The following ZNF761 variants were observed in gnomAD, a reference collection of about 807,000 sequenced individuals.
The protein encoded by ZNF761 is zinc finger protein 761.
In ZNF761, 43 loss-of-function variants were observed where a neutral mutation model predicts 59.9. The observed-to-expected ratio is 0.72, with a 90% CI of 0.56 to 0.92. The LOEUF (loss-of-function observed/expected upper bound fraction) is 0.92, where lower values mean the gene tolerates loss of function less well. Ranked by LOEUF, ZNF761 falls within the 40% of genes least tolerant of loss-of-function variation. ZNF761 has a pLI of 0.00. For synonymous variants in ZNF761, 294 were observed against 304.8 expected, an observed-to-expected ratio of 0.96 and a Z score of 0.37; for missense variants, 850 against 906.1, an observed-to-expected ratio of 0.94 and a Z score of 0.79.
intron 4 of ZNF761, among the ~76,000 whole-genome samples, chr19:53,450,696 C>T (rs1263515501): frequency 6.6e-6 from 1 of 152,018 alleles, no homozygotes; most frequent in Non-Finnish European, 1.5e-5. Context: ...CCAGCTCCGC[C>T]TCTCGGGTTC....
intron 1 of ZNF761, among the ~76,000 whole-genome samples, chr19:53,438,440 A>G (rs998851190): frequency 1.3e-5 from 2 of 152,198 alleles, no homozygotes; most frequent in African/African-American, 4.8e-5. Context: ...CAGAGCCCCT[A>G]TAGTCATTGT....
Position 53,456,054 on chromosome 19 carries a change from A to G in ZNF761, c.1547A>G (p.His516Arg). 1.2e-6 allele frequency: 2 copies of G among 1,603,464 alleles called. No homozygotes were observed. Among genetic ancestry groups the G allele is most frequent in the South Asian group, 1.1e-5 (1 of 90,658 alleles). ...KSYLTCHHRL[H>R]TGEKAYKCNE... The stretch of plus-strand genomic sequence containing the variant: ...TACCTCACATGCCATCATAGACTTC[A>G]TACTGGAGAGAAAGCTTACAAGTGT... The change falls in exon 5 of 5, where the codon CAT becomes CGT. Residue 516 changes from histidine to arginine, a missense_variant. Physicochemically the swap from His to Arg is conservative, Grantham distance 29. Transcript: ENST00000684525.
At position 53,432,487 on chromosome 19, in the gene ZNF761, G is replaced by T. The variant is rs117276335; in HGVS notation, c.-185+459G>T. ...CACCTCCCTCCTTGTGCCGGGCCCT[G>T]CTGCTCCACGGGTTTCGCCTCCACA... On this transcript the variant is annotated intron_variant, in intron 1 of 4. Coordinates refer to ENST00000684525, the MANE Select transcript of ZNF761 (RefSeq NM_001289951.2). Among the ~76,000 whole-genome samples, 1,722 of 152,160 alleles carry T rather than the reference G, an allele frequency of 0.011. 80 individuals are homozygous for T. In the East Asian group the frequency reaches 0.14, roughly 13 times the overall value.
intron 1 of ZNF761, chr19:53,445,371 C>T (rs2086145751): frequency 6.6e-6 from 1 of 152,116 alleles, no homozygotes; most frequent in Non-Finnish European, 1.5e-5. Flanking sequence ...CTGTAATTTT[C>T]AAGGATAGGG....
Position 53,435,289 on chromosome 19 carries a change from CTTTTTTTTTTTTTTTTTT to C in ZNF761, c.-185+3276_-185+3293del, listed in dbSNP as rs368157010. On this transcript the variant is annotated intron_variant, in intron 1 of 4. Transcript: ENST00000684525. ...GGTCGTCTGGCTATAAATACAAGTC[CTTTTTTTTTTTTTTTTTT>C]TTTTTTTTTTTTTTGAGATGGAGTT... 1.7e-4 allele frequency among the ~76,000 whole-genome samples: 9 copies of C among 53,616 alleles called. No homozygotes were observed. The South Asian group carries it at 2.0e-3, about 12-fold the overall frequency. The allele number at this position is 53,616 out of a possible 152,430, so 35.2% of individuals were successfully genotyped here. A position where few individuals can be genotyped will look rare whatever the true frequency, so the allele number is the denominator to read the frequency against.
chr19:53,441,771 T>C (rs2086103325), intron 1 of ZNF761: 3 of 904,400 alleles, frequency 3.3e-6, no homozygotes, highest in Non-Finnish European at 5.2e-6. Context: ...GTTTTCAAAA[T>C]TTCTTTTTTA....
chr19:53,447,141 C>T, intron 2 of ZNF761, 55 bp from the exon 3 acceptor site: 1 of 1,236,406 alleles, frequency 8.1e-7, no homozygotes, highest in East Asian at 2.4e-5. Context: ...TGGTTGTGTT[C>T]CACGGAGGTG....
intron 4 of ZNF761, among the ~76,000 whole-genome samples, chr19:53,450,883 T>C (rs2086215875): frequency 6.6e-6 from 1 of 151,840 alleles, no homozygotes. Flanking sequence ...GTAATCCTGC[T>C]ACTCAAGTGT....
At chr19:53,442,139 G>C in intron 1 of ZNF761, 2 of 1,083,634 alleles carry the variant, frequency 1.8e-6, no homozygotes, top group Non-Finnish European at 2.8e-6. Flanking sequence ...AGATACAAAG[G>C]TTATTGAAAT....
intron 4 of ZNF761, chr19:53,450,141 A>G (rs1297108197): frequency 1.3e-5 from 3 of 238,004 alleles, no homozygotes; most frequent in Non-Finnish European, 2.4e-5. Flanking sequence ...CGTCTCTACT[A>G]AAAATAGAAA....
intron 1 of ZNF761, among the ~76,000 whole-genome samples, chr19:53,441,453 GTTTT>G (rs71185882): frequency 6.9e-6 from 1 of 144,500 alleles, no homozygotes. Context: ...TTTGTTTTTT[GTTTT>G]TTTTTTTTTG....
intron 4 of ZNF761, chr19:53,450,058 A>G (rs1234419102): frequency 1.3e-5 from 5 of 376,888 alleles, no homozygotes; most frequent in African/African-American, 1.1e-4. Context: ...TAATCCCAGC[A>G]CTTTGGGAGG....
rs2086259767 is a variant in ZNF761, at chr19:53,455,523, C to A, written c.1016C>A (p.Ser339Ter). The A allele has an allele frequency of 6.2e-7, 1 of 1,612,912 alleles. No individual in the cohort carries two copies. Among genetic ancestry groups the A allele is most frequent in the East Asian group, 2.2e-5 (1 of 44,652 alleles). The change falls in exon 5 of 5, where the codon TCA becomes TAA. Residue 339 changes from serine to a stop codon, truncating the protein, a stop_gained. Transcript: ENST00000684525. LOFTEE classifies it high-confidence loss of function. ...NECGKTFRQK[S>*]ILTRHHRLHT... is the part of the protein sequence containing the mutation. The stretch of plus-strand genomic sequence containing the variant: ...TGTGGCAAGACCTTTAGGCAGAAGT[C>A]AATCCTTACACGCCATCATCGACTT...
chr19:53,447,151 G>A, intron 2 of ZNF761, 45 bp from the exon 3 acceptor site: 1 of 1,320,278 alleles, frequency 7.6e-7, no homozygotes, highest in Non-Finnish European at 1.1e-6. Context: ...CCACGGAGGT[G>A]GCGTGTTGAT....
chr19:53,441,866 G>A lies in ZNF761; in HGVS notation c.-184-4361G>A, dbSNP rs1403144187. 9 of 1,575,070 alleles carry A rather than the reference G, an allele frequency of 5.7e-6. No individual in the cohort carries two copies. The Admixed American group carries it at 6.8e-5, about 12-fold the overall frequency. ...GAGCAGTAGCTGGGTGGGCAGCATG[G>A]CTGGGATCACCACCATCGAGGCAGT... On this transcript the variant is annotated intron_variant, in intron 1 of 4. Coordinates refer to ENST00000684525, the MANE Select transcript of ZNF761 (RefSeq NM_001289951.2).
intron 1 of ZNF761, among the ~76,000 whole-genome samples, chr19:53,439,539 G>C (rs2086077351): frequency 6.6e-6 from 1 of 152,050 alleles, no homozygotes; most frequent in Non-Finnish European, 1.5e-5. Flanking sequence ...TGCAAAGATA[G>C]GCTGACTAAC....
intron 1 of ZNF761, among the ~76,000 whole-genome samples, chr19:53,435,875 A>T (rs1017792496): frequency 3.3e-5 from 5 of 152,152 alleles, no homozygotes; most frequent in African/African-American, 1.2e-4. Context: ...TTACAAGGAA[A>T]ACTACTAGTC....
chr19:53,432,497 G>A (rs60775721), intron 1 of ZNF761, among the ~76,000 whole-genome samples: 16,044 of 152,108 alleles, frequency 0.11, 939 homozygotes, highest in Middle Eastern at 0.19. Flanking sequence ...GCTGCTCCAC[G>A]GGTTTCGCCT....
chr19:53,450,420 T>C (rs2147138976), intron 4 of ZNF761: 1 of 152,340 alleles, frequency 6.6e-6, no homozygotes, highest in South Asian at 2.1e-4. Flanking sequence ...CAGTCTTTGG[T>C]TTCTGAATGC....
Sources: gnomAD v4.1 joint callset for allele counts (sites outside exome capture counted in the v4.1 genomes callset) on GRCh38, gnomAD v4.1.1 for gene constraint, MANE v1.5 for transcripts, NCBI Gene and HGNC (gene_info 2026-07-23, HGNC 2026-07-21) for gene names.